Variants in GNG2 observed in about 807,000 individuals in gnomAD.
GNG2 encodes the protein G protein subunit gamma 2.
GNG2 carries 5 observed loss-of-function variants against 5.5 expected under a neutral mutation model. The observed-to-expected ratio is 0.91, with a 90% CI of 0.48 to 1.92. The LOEUF is 1.92. Among genes scored for constraint, GNG2 ranks in the 30% most tolerant of loss-of-function variants. The pLI, the probability that GNG2 is intolerant of heterozygous loss-of-function variation, is 0.01. For missense variants in GNG2, 55 were observed against 88.4 expected (o/e 0.62, Z 1.52); for synonymous variants, 28 against 32.0 (o/e 0.88, Z 0.42).
chr14:51,923,959 T>C (rs1177842877), intron 2 of GNG2, among the ~76,000 whole-genome samples: 1 of 152,214 alleles, frequency 6.6e-6, no homozygotes, highest in African/African-American at 2.4e-5. Context: ...CTCAGAGATG[T>C]TGGAATTTGT....
At chr14:51,960,269 T>C (rs1169650238) in intron 3 of GNG2, among the ~76,000 whole-genome samples, 1 of 152,148 alleles carries the variant, frequency 6.6e-6, no homozygotes, top group African/African-American at 2.4e-5. Context: ...CAGTGGCTAA[T>C]CTGCTAATTT....
At chr14:51,920,354 ATATAATAAT>A (rs528492560) in intron 2 of GNG2, among the ~76,000 whole-genome samples, 21 of 151,100 alleles carry the variant, frequency 1.4e-4, no homozygotes, top group Admixed American at 9.2e-4. Context: ...ACCTAATACA[ATATAATAAT>A]TATAATAATT....
intron 2 of GNG2, among the ~76,000 whole-genome samples, chr14:51,921,483 C>A (rs1278754258): frequency 6.6e-6 from 1 of 152,192 alleles, no homozygotes; most frequent in Non-Finnish European, 1.5e-5. Flanking sequence ...TCTTACCAAA[C>A]CTGCTTTGTG....
chr14:51,962,964 A>C (rs922477010), intron 3 of GNG2, among the ~76,000 whole-genome samples: 1 of 152,244 alleles, frequency 6.6e-6, no homozygotes, highest in African/African-American at 2.4e-5. Context: ...GACCTGGGGC[A>C]AACACTTAAT....
At chr14:51,846,679 C>T (rs1199185065) in intron 2 of GNG2, among the ~76,000 whole-genome samples, 1 of 152,144 alleles carries the variant, frequency 6.6e-6, no homozygotes, top group African/African-American at 2.4e-5. Flanking sequence ...GCTCTAGTCA[C>T]CTGAGAATGG....
chr14:51,932,543 G>GAGCCC (rs1293758277), intron 2 of GNG2, among the ~76,000 whole-genome samples: 1 of 152,066 alleles, frequency 6.6e-6, no homozygotes, highest in African/African-American at 2.4e-5. Context: ...AGGATCACTT[G>GAGCCC]AGCCCAGTAG....
At chr14:51,842,911 C>T (rs779526934) in intron 2 of GNG2, among the ~76,000 whole-genome samples, 24 of 152,030 alleles carry the variant, frequency 1.6e-4, no homozygotes, top group Non-Finnish European at 7.4e-5. Flanking sequence ...GTGATCTGCC[C>T]GCCTCGGTTT....
intron 2 of GNG2, among the ~76,000 whole-genome samples, chr14:51,828,581 CTG>C (rs1440105619): frequency 6.6e-6 from 1 of 151,964 alleles, no homozygotes; most frequent in Non-Finnish European, 1.5e-5. Flanking sequence ...CTTATGATAT[CTG>C]TCTGACTCAC....
chr14:51,884,825 A>G (rs1884336479), intron 2 of GNG2, among the ~76,000 whole-genome samples: 1 of 152,184 alleles, frequency 6.6e-6, no homozygotes, highest in African/African-American at 2.4e-5. Context: ...ATGCTGAGGA[A>G]GCCTCAGTAT....
intron 2 of GNG2, among the ~76,000 whole-genome samples, chr14:51,848,193 G>A (rs1333979634): frequency 6.6e-6 from 1 of 152,030 alleles, no homozygotes; most frequent in East Asian, 1.9e-4. Flanking sequence ...TCTCCCCCTT[G>A]CCTTTACTAT....
At chr14:51,855,224 A>G (rs1236539075) in intron 2 of GNG2, among the ~76,000 whole-genome samples, 1 of 152,112 alleles carries the variant, frequency 6.6e-6, no homozygotes, top group Non-Finnish European at 1.5e-5. Flanking sequence ...GTTCCAACAC[A>G]TTTCTCTCTG....
intron 2 of GNG2, among the ~76,000 whole-genome samples, chr14:51,903,115 C>T (rs1355789338): frequency 1.3e-5 from 2 of 151,984 alleles, no homozygotes; most frequent in African/African-American, 2.4e-5. Context: ...TACAGTAGAG[C>T]TATTTATAAT....
At chr14:51,856,331 C>T (rs1379858379), upstream of GNG2, among the ~76,000 whole-genome samples, 1 of 152,030 alleles carries the variant, frequency 6.6e-6, no homozygotes, top group Non-Finnish European at 1.5e-5. Flanking sequence ...TTTGAGAGTG[C>T]AGAAGGGGAT....
At chr14:51,853,300 G>A (rs984331783) in intron 2 of GNG2, among the ~76,000 whole-genome samples, 9 of 152,156 alleles carry the variant, frequency 5.9e-5, no homozygotes, top group African/African-American at 1.9e-4. Context: ...TGCCCTCAGG[G>A]AGTGGCAGGT....
chr14:51,910,498 G>A (rs770445787), intron 2 of GNG2, among the ~76,000 whole-genome samples: 2 of 152,224 alleles, frequency 1.3e-5, no homozygotes, highest in Non-Finnish European at 2.9e-5. Context: ...AAGGAAGGGG[G>A]AAAGTGACAG....
At chr14:51,902,379 A>G (rs1307386948) in intron 2 of GNG2, among the ~76,000 whole-genome samples, 1 of 152,250 alleles carries the variant, frequency 6.6e-6, no homozygotes, top group Non-Finnish European at 1.5e-5. Context: ...GGCAGTTTGT[A>G]TAAAAGTAAA....
intron 2 of GNG2, among the ~76,000 whole-genome samples, chr14:51,945,164 T>C (rs899624710): frequency 4.0e-5 from 6 of 151,856 alleles, no homozygotes; most frequent in Non-Finnish European, 7.4e-5. Flanking sequence ...AGTGTTACCA[T>C]ATGATCCAGC....
In GNG2 at chr14:51,918,638, T is replaced by C. The variant is rs974989140; in HGVS notation, c.-29-32012T>C. On this transcript the variant is annotated intron_variant, in intron 2 of 3. Transcript: ENST00000556766. ...CTTATATAACACAAAAATAAGACAA[T>C]TTATACTTGGAGATCAGCTACAGAA... 2.6e-5 allele frequency: 4 copies of C among 152,230 alleles called. No individual in the cohort carries two copies. In the South Asian group the frequency reaches 6.2e-4, roughly 24 times the overall value. 9.4% of individuals were successfully genotyped at this position (152,230 alleles called of 1,614,324 possible). A position where few individuals can be genotyped will look rare whatever the true frequency, so the allele number is the denominator to read the frequency against.
chr14:51,840,913 A>G (rs1020547198), intron 2 of GNG2, among the ~76,000 whole-genome samples: 1 of 152,234 alleles, frequency 6.6e-6, no homozygotes, highest in South Asian at 2.1e-4. Context: ...TCCCTCATGT[A>G]TAATGCTACA....
Sources: allele counts gnomAD v4.1 joint callset (sites outside exome capture counted in the v4.1 genomes callset), GRCh38; gene constraint gnomAD v4.1.1; transcripts MANE v1.5; gene names NCBI Gene and HGNC (gene_info 2026-07-23, HGNC 2026-07-21).